PRKD1: variants seen among roughly 807,000 people sequenced by gnomAD.
PRKD1 encodes protein kinase D1, also known as serine/threonine-protein kinase D1.
In PRKD1, 63 loss-of-function variants were observed where a neutral mutation model predicts 95.9. The observed-to-expected ratio is 0.66, with a 90% CI of 0.54 to 0.81. The LOEUF is 0.81. Ranked by LOEUF, PRKD1 falls within the 30% of genes least tolerant of loss-of-function variation. The pLI is 0.00. For synonymous variants in PRKD1, 425 were observed against 423.1 expected (o/e 1.00, Z -0.05); for missense variants, 1,048 against 1,165.3 (o/e 0.90, Z 1.47).
intron 1 of PRKD1, among the ~76,000 whole-genome samples, chr14:29,847,373 C>G (rs781511464): frequency 1.3e-5 from 2 of 152,092 alleles, no homozygotes; most frequent in East Asian, 3.9e-4. Flanking sequence ...GCTAATTTCT[C>G]CATATACAAC....
At position 29,577,260 on chromosome 14, in the gene PRKD1, C is replaced by G. The variant is rs371931250; in HGVS notation, c.2717G>C (p.Gly906Ala). ...AACTCAGAGGATGCTGACACGCTCACCGAGGGCTTTCATTTCTGTTTCTTC... is the reference window on the plus strand; with the variant it reads ...AACTCAGAGGATGCTGACACGCTCAGCGAGGGCTTTCATTTCTGTTTCTTC... ...ETEETEMKAL[G>A]ERVSIL Residue 906 changes from glycine (G) to alanine (A), a missense_variant, in exon 18 of 18, where the codon GGT becomes GCT. Transcript: ENST00000331968. The G allele has an allele frequency of 6.2e-6, 10 of 1,613,278 alleles. No homozygotes were observed. In the African/African-American group the frequency reaches 1.3e-4, roughly 22 times the overall value.
chr14:29,599,208 A>T (rs1034834434), intron 14 of PRKD1, 83 bp from the exon 15 acceptor site: 2 of 1,146,712 alleles, frequency 1.7e-6, no homozygotes, highest in African/African-American at 1.5e-5. Context: ...AAGAAAAAAA[A>T]CTGACAATGG....
chr14:29,918,768 A>G (rs1344914477), intron 1 of PRKD1, among the ~76,000 whole-genome samples: 3 of 152,214 alleles, frequency 2.0e-5, no homozygotes, highest in Non-Finnish European at 4.4e-5. Flanking sequence ...GTTCATGATT[A>G]CTGTGGATAT....
chr14:29,855,415 T>C (rs1172512901), intron 1 of PRKD1, among the ~76,000 whole-genome samples: 1 of 152,244 alleles, frequency 6.6e-6, no homozygotes, highest in Non-Finnish European at 1.5e-5. Flanking sequence ...GCATGGGGTC[T>C]TTAGCCCCTT....
chr14:29,775,330 A>G, intron 1 of PRKD1, among the ~76,000 whole-genome samples: 1 of 152,170 alleles, frequency 6.6e-6, no homozygotes, highest in African/African-American at 2.4e-5. Flanking sequence ...ACCGAATGAG[A>G]GTCGAAGCAG....
intron 4 of PRKD1, among the ~76,000 whole-genome samples, chr14:29,642,162 C>T (rs748514352): frequency 6.6e-6 from 1 of 152,086 alleles, no homozygotes; most frequent in Non-Finnish European, 1.5e-5. Flanking sequence ...CTCGAGCCTC[C>T]CAAAGTGCTG....
chr14:29,754,191 G>T (rs926414214), intron 1 of PRKD1, among the ~76,000 whole-genome samples: 29 of 152,034 alleles, frequency 1.9e-4, no homozygotes, highest in Non-Finnish European at 1.2e-4. Flanking sequence ...AATTTGAGGT[G>T]GTGGGCATTA....
rs1369857517 is a variant in PRKD1 at position 29,826,780 on chromosome 14, TAC to T, written c.264+100467_264+100468del. ...ATACATATATATATACACATATATA[TAC>T]ATATATACACATATATATACACATA... On this transcript the variant is annotated intron_variant, in intron 1 of 17. Coordinates refer to ENST00000331968, the MANE Select transcript of PRKD1 (RefSeq NM_002742.3). Among the ~76,000 whole-genome samples, 391 of 40,394 alleles carry T rather than the reference TAC, an allele frequency of 9.7e-3. 51 individuals are homozygous for T. The highest frequency in any genetic ancestry group is 0.017 in the Middle Eastern group (1 of 58). 26.5% of individuals were successfully genotyped at this position (40,394 alleles called of 152,430 possible).
chr14:29,603,959 A>G (rs148029797), intron 13 of PRKD1, among the ~76,000 whole-genome samples: 164 of 152,350 alleles, frequency 1.1e-3, no homozygotes, highest in South Asian at 1.9e-3. Context: ...CACGGGGTGA[A>G]TATAAGTTGT....
At chr14:29,905,365 A>G (rs968911227) in intron 1 of PRKD1, among the ~76,000 whole-genome samples, 3 of 152,184 alleles carry the variant, frequency 2.0e-5, no homozygotes, top group Non-Finnish European at 2.9e-5. Flanking sequence ...TGGGTGTCCT[A>G]TGGTCTATAA....
chr14:29,797,348 T>C (rs181403464), intron 1 of PRKD1, among the ~76,000 whole-genome samples: 86 of 152,324 alleles, frequency 5.6e-4, no homozygotes, highest in African/African-American at 1.5e-3. Context: ...GCAGTAAGTT[T>C]ACATCAATAA....
chr14:29,856,543 T>C (rs1892511731), intron 1 of PRKD1, among the ~76,000 whole-genome samples: 1 of 152,362 alleles, frequency 6.6e-6, no homozygotes, highest in African/African-American at 2.4e-5. Flanking sequence ...GCCAGTTTTA[T>C]CTGTCAGTAA....
Position 29,634,292 on chromosome 14 carries a change from C to T in PRKD1, c.1314+126G>A, listed in dbSNP as rs879115698. Reference sequence around the variant, plus strand: ...AGACTGTAATGCACCTTACCTAATCCCGTGTCATGCCTGTGCTGAGGTTTA... The same window carrying T: ...AGACTGTAATGCACCTTACCTAATCTCGTGTCATGCCTGTGCTGAGGTTTA... On this transcript the variant is annotated intron_variant, in intron 8 of 17. Coordinates refer to ENST00000331968, the MANE Select transcript of PRKD1 (RefSeq NM_002742.3). 38 of 1,399,158 alleles carry T rather than the reference C, an allele frequency of 2.7e-5. No homozygotes were observed. In the South Asian group the frequency reaches 4.2e-4, roughly 15 times the overall value. 86.7% of individuals were successfully genotyped at this position (1,399,158 alleles called of 1,614,324 possible).
At chr14:29,609,718 T>C (rs866206683) in intron 13 of PRKD1, among the ~76,000 whole-genome samples, 1 of 123,696 alleles carries the variant, frequency 8.1e-6, no homozygotes, top group Non-Finnish European at 1.8e-5. Flanking sequence ...TTCTTTATTT[T>C]TTTTTTTTTT....
intron 4 of PRKD1, among the ~76,000 whole-genome samples, chr14:29,655,642 TCTC>T (rs1404316085): frequency 6.6e-6 from 1 of 152,014 alleles, no homozygotes; most frequent in Non-Finnish European, 1.5e-5. Flanking sequence ...CCTAAATACT[TCTC>T]CTCCACGTTC....
At chr14:29,735,461 G>A (rs1566569678) in intron 1 of PRKD1, among the ~76,000 whole-genome samples, 1 of 152,176 alleles carries the variant, frequency 6.6e-6, no homozygotes, top group Non-Finnish European at 1.5e-5. Flanking sequence ...CTGATGTAAA[G>A]AGTAGAGAAA....
At chr14:29,870,877 G>T (rs1412414171) in intron 1 of PRKD1, among the ~76,000 whole-genome samples, 1 of 152,068 alleles carries the variant, frequency 6.6e-6, no homozygotes, top group Non-Finnish European at 1.5e-5. Flanking sequence ...ACTTAGAATT[G>T]AATCATCACA....
intron 13 of PRKD1, among the ~76,000 whole-genome samples, chr14:29,618,371 T>C (rs1020809750): frequency 1.3e-5 from 2 of 151,932 alleles, no homozygotes; most frequent in Non-Finnish European, 2.9e-5. Context: ...CTCTCCTGCC[T>C]CAGCTTCCTG....
intron 2 of PRKD1, among the ~76,000 whole-genome samples, chr14:29,698,372 A>T (rs1884647914): frequency 6.6e-6 from 1 of 152,138 alleles, no homozygotes; most frequent in South Asian, 2.1e-4. Context: ...TACAGTTTTG[A>T]AATTTCACAA....
Sources: gnomAD v4.1 joint callset for allele counts (sites outside exome capture counted in the v4.1 genomes callset) on GRCh38, gnomAD v4.1.1 for gene constraint, MANE v1.5 for transcripts, NCBI Gene and HGNC (gene_info 2026-07-23, HGNC 2026-07-21) for gene names.